The following MAST4 variants were observed in gnomAD, a reference collection of about 807,000 sequenced individuals.
The protein encoded by MAST4 is microtubule-associated serine/threonine-protein kinase 4.
MAST4 carries 89 observed loss-of-function variants against 162.7 expected under a neutral mutation model. The observed-to-expected ratio is 0.55, with a 90% CI of 0.46 to 0.65. The LOEUF is 0.65. Among genes scored for constraint, MAST4 ranks in the 30% least tolerant of loss-of-function variants. The probability of loss-of-function intolerance (pLI) is 0.00; values close to 1 mark genes in which losing one functional copy is unlikely to be tolerated. For synonymous variants in MAST4, 1,479 were observed against 1,361.1 expected (o/e 1.09, Z -1.91); for missense variants, 3,153 against 3,374.0 (o/e 0.93, Z 1.62).
intron 2 of MAST4, among the ~76,000 whole-genome samples, chr5:66,763,416 CT>C: frequency 6.6e-6 from 1 of 152,238 alleles, no homozygotes; most frequent in South Asian, 2.1e-4. Flanking sequence ...AGAAATTTGA[CT>C]TCTCAGAATT....
chr5:66,892,220 A>G (rs1762407106), intron 3 of MAST4, among the ~76,000 whole-genome samples: 1 of 152,246 alleles, frequency 6.6e-6, no homozygotes, highest in Non-Finnish European at 1.5e-5. Flanking sequence ...GATTGAAGGT[A>G]GTATCAGTTC....
chr5:67,146,093 C>A (rs1245153922), intron 23 of MAST4, among the ~76,000 whole-genome samples: 1 of 152,214 alleles, frequency 6.6e-6, no homozygotes, highest in African/African-American at 2.4e-5. Flanking sequence ...CCTTCCCCAT[C>A]TCTGGGTAAT....
At chr5:66,980,890 A>C (rs1748723440) in intron 4 of MAST4, among the ~76,000 whole-genome samples, 1 of 152,172 alleles carries the variant, frequency 6.6e-6, no homozygotes, top group African/African-American at 2.4e-5. Context: ...TCTGCTTCTG[A>C]CGTTGGCAAA....
At chr5:67,006,657 G>A (rs1010314634) in intron 4 of MAST4, among the ~76,000 whole-genome samples, 2 of 152,066 alleles carry the variant, frequency 1.3e-5, no homozygotes, top group Non-Finnish European at 2.9e-5. Flanking sequence ...TAGAGCAGTT[G>A]GAGCCTTTCT....
At position 67,140,661 on chromosome 5, in the gene MAST4, G is replaced by A. The variant is rs75515708; in HGVS notation, c.2495-1454G>A. 1.7e-3 allele frequency among the ~76,000 whole-genome samples: 257 copies of A among 152,326 alleles called. 1 individual carries two copies. Among genetic ancestry groups the A allele is most frequent in the African/African-American group, 5.9e-3 (247 of 41,566 alleles). ...GGATCGTGGTCCACGGTGCTTTATT[G>A]CTTATGCTTCATTTCCACATCCACA... On this transcript the variant is annotated intron_variant, in intron 19 of 28. Coordinates refer to ENST00000403625, the MANE Select transcript of MAST4 (RefSeq NM_001164664.2).
At chr5:66,655,246 TA>T (rs960633297) in intron 1 of MAST4, among the ~76,000 whole-genome samples, 6 of 151,894 alleles carry the variant, frequency 4.0e-5, no homozygotes, top group African/African-American at 1.5e-4. Flanking sequence ...CACATTAAAA[TA>T]AAAAAAATTG....
intron 3 of MAST4, among the ~76,000 whole-genome samples, chr5:66,844,368 G>C (rs1028050997): frequency 5.3e-5 from 8 of 152,040 alleles, no homozygotes. Context: ...GTATAAGAAT[G>C]TTGATTTCTT....
Position 66,806,929 on chromosome 5 carries a change from A to G in MAST4, c.642+18135A>G, listed in dbSNP as rs145556215. Among the ~76,000 whole-genome samples, 63 of 152,180 alleles carry G rather than the reference A, an allele frequency of 4.1e-4. No homozygotes were observed. In the East Asian group the frequency reaches 9.9e-3, roughly 24 times the overall value. On this transcript the variant is annotated intron_variant, in intron 3 of 28. Coordinates refer to ENST00000403625, the MANE Select transcript of MAST4 (RefSeq NM_001164664.2). ...CCATTTTCCTTTCCTGTGGTTCATA[A>G]TCTGGCAGTGGAACTCTGAGGGCTT...
Position 66,759,368 on chromosome 5 carries a change from A to G in MAST4, c.364-341A>G, listed in dbSNP as rs144047196. On this transcript the variant is annotated intron_variant, in intron 1 of 28. Coordinates refer to ENST00000403625, the MANE Select transcript of MAST4 (RefSeq NM_001164664.2). ...ACTGAATAAAACATTTCATGAAACA[A>G]TCCTTTCCCTTTCTTCATTGGACTG... Among the ~76,000 whole-genome samples, 299 of 152,252 alleles carry G rather than the reference A, an allele frequency of 2.0e-3. 1 individual carries two copies. The highest frequency in any genetic ancestry group is 6.9e-3 in the African/African-American group (287 of 41,536).
intron 4 of MAST4, among the ~76,000 whole-genome samples, chr5:66,919,476 C>G (rs1278566811): frequency 6.6e-6 from 1 of 151,796 alleles, no homozygotes; most frequent in East Asian, 1.9e-4. Flanking sequence ...GCCTGGCCAA[C>G]ATGTTGAACC....
At chr5:66,700,989 C>T (rs1329529369) in intron 1 of MAST4, among the ~76,000 whole-genome samples, 2 of 151,820 alleles carry the variant, frequency 1.3e-5, no homozygotes, top group African/African-American at 4.8e-5. Flanking sequence ...TTTTAATCTT[C>T]TGTGTTGCAT....
At chr5:66,865,528 G>A (rs955136780) in intron 3 of MAST4, among the ~76,000 whole-genome samples, 36 of 152,106 alleles carry the variant, frequency 2.4e-4, no homozygotes, top group African/African-American at 8.0e-4. Context: ...AAGTATTTAA[G>A]TTTTTTTAAA....
chr5:67,035,221 G>A (rs945307216), intron 4 of MAST4, among the ~76,000 whole-genome samples: 1 of 152,140 alleles, frequency 6.6e-6, no homozygotes, highest in African/African-American at 2.4e-5. Context: ...TAGCGTTGCT[G>A]TGACTACTCA....
chr5:67,035,375 T>C (rs1428408), intron 4 of MAST4, among the ~76,000 whole-genome samples: 39,419 of 152,066 alleles, frequency 0.26, 5,578 homozygotes, highest in African/African-American at 0.35. Flanking sequence ...AAAAATGGCA[T>C]ACAGTATATT....
At chr5:66,892,043 G>A (rs1454766858) in intron 3 of MAST4, among the ~76,000 whole-genome samples, 1 of 152,180 alleles carries the variant, frequency 6.6e-6, no homozygotes, top group Non-Finnish European at 1.5e-5. Flanking sequence ...CTCGGACAAG[G>A]GAGGAAGTTC....
At chr5:66,662,558 C>T (rs964122666) in intron 1 of MAST4, 3 of 152,108 alleles carry the variant, frequency 2.0e-5, no homozygotes, top group Admixed American at 1.3e-4. Flanking sequence ...ATATTTTGAA[C>T]TTTGGGCAAT....
At chr5:66,624,827 G>A (rs1744317579) in intron 1 of MAST4, among the ~76,000 whole-genome samples, 2 of 152,110 alleles carry the variant, frequency 1.3e-5, no homozygotes, top group Non-Finnish European at 1.5e-5. Context: ...AAAATTGGAC[G>A]CCTGTCTCAT....
intron 5 of MAST4, among the ~76,000 whole-genome samples, chr5:67,089,080 A>T (rs991033147): frequency 1.3e-5 from 2 of 152,238 alleles, no homozygotes; most frequent in Non-Finnish European, 2.9e-5. Context: ...TTAAGAAACC[A>T]GTAATGTGGC....
chr5:67,045,377 A>G (rs1215172958), intron 4 of MAST4, among the ~76,000 whole-genome samples: 1 of 152,238 alleles, frequency 6.6e-6, no homozygotes, highest in Non-Finnish European at 1.5e-5. Context: ...TGCTAATACT[A>G]TGACATCAGA....
Sources: gnomAD v4.1 joint callset for allele counts (sites outside exome capture counted in the v4.1 genomes callset) on GRCh38, gnomAD v4.1.1 for gene constraint, MANE v1.5 for transcripts, NCBI Gene and HGNC (gene_info 2026-07-23, HGNC 2026-07-21) for gene names.